DLG2: variants seen among roughly 807,000 people sequenced by gnomAD.
The protein encoded by DLG2 is disks large homolog 2.
Under a neutral mutation model 132.5 loss-of-function variants are expected in DLG2, and 45 were observed. That is an observed-to-expected ratio of 0.34 (90% CI 0.27 to 0.44). The LOEUF (loss-of-function observed/expected upper bound fraction) is 0.44. Among genes scored for constraint, DLG2 ranks in the 20% least tolerant of loss-of-function variants. The pLI is 1.00. For synonymous variants in DLG2, 424 were observed against 419.6 expected, an observed-to-expected ratio of 1.01 and a Z score of -0.13; for missense variants, 1,045 against 1,196.9, an observed-to-expected ratio of 0.87 and a Z score of 1.87.
intron 11 of DLG2, among the ~76,000 whole-genome samples, chr11:84,049,840 G>A (rs540461476): frequency 3.8e-4 from 57 of 151,888 alleles, no homozygotes; most frequent in African/African-American, 1.1e-3. Flanking sequence ...TTCTGATTGC[G>A]TCAATTAGTG....
chr11:85,414,806 T>G (rs2089671156), intron 3 of DLG2, among the ~76,000 whole-genome samples: 1 of 152,028 alleles, frequency 6.6e-6, no homozygotes, highest in Non-Finnish European at 1.5e-5. Context: ...TCTTTATGAT[T>G]GTGACATTTT....
chr11:84,208,925 G>A (rs76862315), intron 8 of DLG2, among the ~76,000 whole-genome samples: 1 of 152,094 alleles, frequency 6.6e-6, no homozygotes, highest in African/African-American at 2.4e-5. Flanking sequence ...GGTTAGAATA[G>A]AACTGGAGTA....
intron 17 of DLG2, among the ~76,000 whole-genome samples, chr11:83,795,696 A>G (rs2042665339): frequency 6.6e-6 from 1 of 151,974 alleles, no homozygotes; most frequent in African/African-American, 2.4e-5. Flanking sequence ...TACTTCTCCC[A>G]CTAGGGGCAT....
At chr11:84,651,026 G>T (rs2099681416) in intron 6 of DLG2, among the ~76,000 whole-genome samples, 1 of 151,630 alleles carries the variant, frequency 6.6e-6, no homozygotes, top group South Asian at 2.1e-4. Context: ...CTCCAGAGAT[G>T]CTGTACCTTT....
intron 18 of DLG2, among the ~76,000 whole-genome samples, chr11:83,634,149 G>A (rs1254162444): frequency 6.6e-6 from 1 of 151,748 alleles, no homozygotes; most frequent in Admixed American, 6.6e-5. Flanking sequence ...TGACCACTTG[G>A]GATCATACCT....
chr11:84,644,693 G>A (rs1294717424), intron 6 of DLG2, among the ~76,000 whole-genome samples: 5 of 136,926 alleles, frequency 3.7e-5, no homozygotes, highest in Non-Finnish European at 7.8e-5. Flanking sequence ...GCAACAGAAC[G>A]AGACTCCATT....
At chr11:83,484,337 A>G in intron 21 of DLG2, 109 bp from the exon 22 acceptor site, 1 of 757,872 alleles carries the variant, frequency 1.3e-6, no homozygotes, top group Non-Finnish European at 2.2e-6. Context: ...GTAGTGACGC[A>G]AGTGGATAAT....
intron 11 of DLG2, among the ~76,000 whole-genome samples, chr11:84,055,276 A>T (rs1460501484): frequency 6.6e-6 from 1 of 151,994 alleles, no homozygotes; most frequent in African/African-American, 2.4e-5. Context: ...GCTCAAATCC[A>T]TTTACTTTTT....
At chr11:83,897,823 ATACTACTTATTTAGAAATTAC>A (rs2072219683) in intron 15 of DLG2, among the ~76,000 whole-genome samples, 1 of 152,202 alleles carries the variant, frequency 6.6e-6, no homozygotes, top group African/African-American at 2.4e-5. Flanking sequence ...ATGAGAATAC[ATACTACTTATTTAGAAATTAC>A]TATGTTGAAT....
intron 19 of DLG2, among the ~76,000 whole-genome samples, chr11:83,563,038 G>A (rs4578410): frequency 0.48 from 68,282 of 142,474 alleles, 16,517 homozygotes; most frequent in Admixed American, 0.59. Flanking sequence ...GCAGTGGCTC[G>A]ATCTTTGCTC....
At chr11:84,344,228 G>A (rs2098528894) in intron 7 of DLG2, among the ~76,000 whole-genome samples, 1 of 152,188 alleles carries the variant, frequency 6.6e-6, no homozygotes, top group African/African-American at 2.4e-5. Context: ...ACCAGACTGA[G>A]TCCACAACTT....
At chr11:85,343,487 C>A (rs956149888) in intron 3 of DLG2, among the ~76,000 whole-genome samples, 1 of 152,006 alleles carries the variant, frequency 6.6e-6, no homozygotes, top group Non-Finnish European at 1.5e-5. Flanking sequence ...GTTTTAGTGT[C>A]TTTTTTTAAT....
intron 6 of DLG2, among the ~76,000 whole-genome samples, chr11:84,691,523 C>A (rs2058042013): frequency 1.3e-5 from 2 of 151,750 alleles, no homozygotes; most frequent in African/African-American, 4.8e-5. Flanking sequence ...TTGGTAACTA[C>A]CAATCATTCT....
At chr11:84,706,328 G>C (rs1337508559) in intron 6 of DLG2, among the ~76,000 whole-genome samples, 1 of 151,730 alleles carries the variant, frequency 6.6e-6, no homozygotes, top group Non-Finnish European at 1.5e-5. Flanking sequence ...GTGCTTTGGG[G>C]GCTCTGAAAA....
intron 3 of DLG2, among the ~76,000 whole-genome samples, chr11:85,419,375 C>T (rs1017599784): frequency 6.6e-6 from 1 of 152,188 alleles, no homozygotes; most frequent in South Asian, 2.1e-4. Context: ...TTCATTTCAA[C>T]CTTAATAAAT....
At chr11:84,836,334 C>T (rs900582310) in intron 6 of DLG2, among the ~76,000 whole-genome samples, 1 of 151,600 alleles carries the variant, frequency 6.6e-6, no homozygotes, top group Non-Finnish European at 1.5e-5. Flanking sequence ...TTTTTGAGTG[C>T]CAATGTACCC....
intron 6 of DLG2, among the ~76,000 whole-genome samples, chr11:84,653,376 C>T (rs2099684437): frequency 6.6e-6 from 1 of 152,196 alleles, no homozygotes; most frequent in Non-Finnish European, 1.5e-5. Context: ...CTGGTAACTT[C>T]CACCCAATGC....
chr11:84,087,097 G>C (rs757320025), intron 10 of DLG2, among the ~76,000 whole-genome samples: 10 of 152,114 alleles, frequency 6.6e-5, no homozygotes, highest in Non-Finnish European at 1.3e-4. Flanking sequence ...TGGCTGTTAT[G>C]CATAATGGTG....
chr11:85,220,650 A>G (rs939555166), intron 4 of DLG2, among the ~76,000 whole-genome samples: 2 of 150,534 alleles, frequency 1.3e-5, no homozygotes, highest in Non-Finnish European at 3.0e-5. Context: ...ATATATATAT[A>G]TATAACTTTA....
Sources: gnomAD v4.1 joint callset for allele counts (sites outside exome capture counted in the v4.1 genomes callset) on GRCh38, gnomAD v4.1.1 for gene constraint, MANE v1.5 for transcripts, NCBI Gene and HGNC (gene_info 2026-07-23, HGNC 2026-07-21) for gene names.